The following ZFP91 variants were observed in gnomAD, a reference collection of about 807,000 sequenced individuals.
The protein encoded by ZFP91 is E3 ubiquitin-protein ligase ZFP91.
In ZFP91, 7 loss-of-function variants were observed where a neutral mutation model predicts 63.5. The ratio of observed to expected loss-of-function variants is 0.11; its 90% CI spans 0.06 to 0.21. ZFP91 has a LOEUF of 0.21. ZFP91 is among the 10% of genes least tolerant of loss of function. ZFP91 has a pLI of 1.00. For synonymous variants in ZFP91, 330 were observed against 272.1 expected (o/e 1.21, Z -2.10); for missense variants, 628 against 736.6 (o/e 0.85, Z 1.71).
At chr11:58,610,411 T>C in intron 4 of ZFP91, 77 bp downstream of exon 4, 1 of 1,370,504 alleles carries the variant, frequency 7.3e-7, no homozygotes, top group Non-Finnish European at 9.8e-7. Flanking sequence ...CAGAAGTTGC[T>C]TCCATTTGAA....
At chr11:58,584,906 C>T (rs1214606709) in intron 2 of ZFP91, 22 bp downstream of exon 2, 1 of 1,497,394 alleles carries the variant, frequency 6.7e-7, no homozygotes, top group Non-Finnish European at 8.9e-7. Context: ...TCATCCTTAC[C>T]TCTAGCGTAC....
In ZFP91 at chr11:58,617,889, G is replaced by T. The variant is rs936443478; in HGVS notation, c.*183G>T. The T allele has an allele frequency of 3.2e-5, 23 of 712,688 alleles. No homozygotes were observed. The highest frequency in any genetic ancestry group is 4.1e-5 in the Non-Finnish European group (21 of 509,796). The allele number at this position is 712,688 out of a possible 1,614,324, so 44.1% of individuals were successfully genotyped here. A position where few individuals can be genotyped will look rare whatever the true frequency, so the allele number is the denominator to read the frequency against. On this transcript the variant is annotated 3_prime_UTR_variant, in exon 11 of 11. Transcript: ENST00000316059. This position sits in a 1 kb window ranked among gnomAD's most constrained non-coding sequence, Gnocchi z 4.2. ...CCTCCCCATCCCCTGTTCTCCCTCT[G>T]TTGCTCCCCTTATAAAATTGATGTT...
Position 58,621,110 on chromosome 11 carries a change from G to A in ZFP91, c.*3404G>A, listed in dbSNP as rs1435417905. 6.6e-6 allele frequency: 1 copy of A among 152,636 alleles called. No individual in the cohort carries two copies. The highest frequency in any genetic ancestry group is 1.5e-5 in the Non-Finnish European group (1 of 68,044). 9.5% of individuals were successfully genotyped at this position (152,636 alleles called of 1,614,324 possible). A position where few individuals can be genotyped will look rare whatever the true frequency, so the allele number is the denominator to read the frequency against. ...GGGGTGAAACATGTGATGCTGCTAA[G>A]CAAACCAAATGCCCTCAGAACAGGT... is the stretch of plus-strand genomic sequence containing the variant. On this transcript the variant is annotated 3_prime_UTR_variant, in exon 11 of 11. Transcript: ENST00000316059.
chr11:58,583,265 A>G (rs1039511015), intron 1 of ZFP91, among the ~76,000 whole-genome samples: 2 of 152,154 alleles, frequency 1.3e-5, no homozygotes, highest in African/African-American at 4.8e-5. Flanking sequence ...AGGGACAAAT[A>G]CTTTTTAAAA....
At chr11:58,616,658 A>G (rs994620846) in intron 9 of ZFP91, 58 bp from the exon 10 acceptor site, 3 of 1,469,952 alleles carry the variant, frequency 2.0e-6, no homozygotes, top group South Asian at 1.2e-5. Context: ...ACTTACTGTA[A>G]GGGAAAATAT....
rs140688902 is a variant in ZFP91 at position 58,611,724 on chromosome 11, G to A, written c.843G>A (p.Glu281=). ...KEEENEIRED[E]EPPRKRGRRR... ...AGGAGAATGAAATTAGAGAGGATGA[G>A]GAACCTCCAAGGAAGTGAGTAGGCA... is the stretch of plus-strand genomic sequence containing the variant. Residue 281 remains glutamate (E), a synonymous_variant, in exon 6 of 11, where the codon GAG becomes GAA. Transcript: ENST00000316059. 13,458 of 1,607,204 alleles carry A rather than the reference G, an allele frequency of 8.4e-3. 89 individuals are homozygous for A. Among genetic ancestry groups the A allele is most frequent in the Non-Finnish European group, 0.01 (11,978 of 1,176,514 alleles).
At chr11:58,580,162 T>C (rs1461372688) in intron 1 of ZFP91, among the ~76,000 whole-genome samples, 2 of 152,086 alleles carry the variant, frequency 1.3e-5, no homozygotes, top group East Asian at 1.9e-4. Flanking sequence ...TTGCCACTTA[T>C]TATGGTCAGG....
At chr11:58,612,413 G>A in intron 7 of ZFP91, 85 bp downstream of exon 7, 1 of 1,367,746 alleles carries the variant, frequency 7.3e-7, no homozygotes, top group Non-Finnish European at 1.0e-6. Context: ...TGATAATCCT[G>A]CAGGAATGGC....
chr11:58,607,686 G>A (rs1855590938), intron 2 of ZFP91, among the ~76,000 whole-genome samples: 1 of 152,002 alleles, frequency 6.6e-6, no homozygotes, highest in Non-Finnish European at 1.5e-5. Context: ...TCACCACATT[G>A]CTCCATAGTA....
Position 58,610,330 on chromosome 11 carries a change from A to C in ZFP91, c.613A>C (p.Ile205Leu). 6.3e-7 allele frequency: 1 copy of C among 1,588,258 alleles called. No homozygotes were observed. The highest frequency in any genetic ancestry group is 8.5e-7 in the Non-Finnish European group (1 of 1,173,148). Reference protein sequence around the residue: ...VGEEHQSPGGISSEEEEEEEE... With the variant: ...VGEEHQSPGGLSSEEEEEEEE... ...AGAAGAGCATCAGTCTCCAGGTGGC[A>C]TTAGGTAAAAAAAACATTAATATTT... The change falls in exon 4 of 11, where the codon ATT becomes CTT. Residue 205 changes from isoleucine to leucine, a missense_variant. Transcript: ENST00000316059.
intron 8 of ZFP91, among the ~76,000 whole-genome samples, chr11:58,613,583 A>AT (rs558463563): frequency 9.1e-4 from 138 of 152,312 alleles, no homozygotes; most frequent in South Asian, 4.1e-3. Flanking sequence ...ACAGAGTAAC[A>AT]TTTTATTTTA....
Position 58,617,870 on chromosome 11 carries a change from C to T in ZFP91, c.*164C>T. ...CACATACATACACCCTCCACCTCCC[C>T]ATCCCCTGTTCTCCCTCTGTTGCTC... On this transcript the variant is annotated 3_prime_UTR_variant, in exon 11 of 11. Coordinates refer to ENST00000316059, the MANE Select transcript of ZFP91 (RefSeq NM_053023.5). This position sits in a 1 kb window ranked among gnomAD's most constrained non-coding sequence, Gnocchi z 4.2. 2 of 887,320 alleles carry T rather than the reference C, an allele frequency of 2.3e-6. No individual in the cohort carries two copies. The highest frequency in any genetic ancestry group is 3.8e-5 in the Admixed American group (1 of 26,440). 55.0% of individuals were successfully genotyped at this position (887,320 alleles called of 1,614,324 possible).
intron 1 of ZFP91, 99 bp from the exon 2 acceptor site, chr11:58,584,757 G>A: frequency 9.2e-7 from 1 of 1,092,754 alleles, no homozygotes; most frequent in Non-Finnish European, 1.3e-6. Context: ...TAGTCTAGAT[G>A]CTTTCTTTAT....
intron 2 of ZFP91, among the ~76,000 whole-genome samples, chr11:58,599,435 C>G (rs1034236399): frequency 2.6e-5 from 4 of 152,052 alleles, no homozygotes; most frequent in Non-Finnish European, 5.9e-5. Context: ...CATTAGCTGC[C>G]TCATTTTACA....
intron 1 of ZFP91, among the ~76,000 whole-genome samples, chr11:58,582,544 G>C (rs1855136362): frequency 6.6e-6 from 1 of 152,150 alleles, no homozygotes; most frequent in African/African-American, 2.4e-5. Context: ...TAGTTTAAAA[G>C]GTCAAGAAAT....
intron 2 of ZFP91, among the ~76,000 whole-genome samples, chr11:58,586,819 A>G (rs1163340949): frequency 6.6e-6 from 1 of 152,170 alleles, no homozygotes; most frequent in Admixed American, 6.5e-5. Flanking sequence ...CTAAATTTTA[A>G]CTGAAATAAC....
intron 1 of ZFP91, among the ~76,000 whole-genome samples, chr11:58,583,706 G>A (rs1013040157): frequency 6.6e-6 from 1 of 152,010 alleles, no homozygotes; most frequent in Non-Finnish European, 1.5e-5. Context: ...AGCAGTTATG[G>A]TGTGTTAATT....
At position 58,616,762 on chromosome 11, in the gene ZFP91, T is replaced by C; in HGVS notation, c.1149T>C (p.Ser383=). 1 of 1,613,788 alleles carries C rather than the reference T, an allele frequency of 6.2e-7. No homozygotes were observed. The highest frequency in any genetic ancestry group is 1.1e-5 in the South Asian group (1 of 91,070). Residue 383 remains serine (S), a synonymous_variant, in exon 10 of 11, where the codon AGT becomes AGC. Transcript: ENST00000316059. ...ICEYCARAFK[S]SHNLAVHRMI... is the part of the protein sequence containing the mutation. ...AATATTGTGCTCGGGCCTTCAAGAGTTCCCACAATCTGGCAGTGCACCGGA... is the reference window on the plus strand; with the variant it reads ...AATATTGTGCTCGGGCCTTCAAGAGCTCCCACAATCTGGCAGTGCACCGGA...
chr11:58,617,960 A>C lies in ZFP91; in HGVS notation c.*254A>C. 2.6e-6 allele frequency: 1 copy of C among 378,106 alleles called. No individual in the cohort carries two copies. The highest frequency in any genetic ancestry group is 4.4e-5 in the East Asian group (1 of 22,676). 23.4% of individuals were successfully genotyped at this position (378,106 alleles called of 1,614,324 possible). On this transcript the variant is annotated 3_prime_UTR_variant, in exon 11 of 11. Coordinates refer to ENST00000316059, the MANE Select transcript of ZFP91 (RefSeq NM_053023.5). The surrounding 1 kb of genome is among the most constrained non-coding windows in gnomAD (Gnocchi z 4.2). ...CAAAAAAGAAGCAGCAGCAGCTCTT[A>C]AAGTGAGGGTTATTCTCATACTCGG... is the stretch of plus-strand genomic sequence containing the variant.
Sources: allele counts gnomAD v4.1 joint callset (sites outside exome capture counted in the v4.1 genomes callset), GRCh38; gene constraint gnomAD v4.1.1; non-coding constraint Gnocchi (gnomAD v3.1); transcripts MANE v1.5; gene names NCBI Gene and HGNC (gene_info 2026-07-23, HGNC 2026-07-21).